Variants in SMYD3 observed in about 807,000 individuals in gnomAD.
The protein encoded by SMYD3 is SET and MYND domain containing 3, also known as histone-lysine N-methyltransferase SMYD3.
In SMYD3, 36 loss-of-function variants were observed where a neutral mutation model predicts 57.7. That is an observed-to-expected ratio of 0.62 (90% CI 0.48 to 0.82). SMYD3 has a LOEUF of 0.82. Among genes scored for constraint, SMYD3 ranks in the 40% least tolerant of loss-of-function variants. The pLI is 0.00. For synonymous variants in SMYD3, 211 were observed against 195.0 expected, an observed-to-expected ratio of 1.08 and a Z score of -0.68; for missense variants, 515 against 538.8, an observed-to-expected ratio of 0.96 and a Z score of 0.44.
chr1:246,156,610 A>G (rs1230173841), intron 5 of SMYD3, among the ~76,000 whole-genome samples: 1 of 152,240 alleles, frequency 6.6e-6, no homozygotes, highest in Non-Finnish European at 1.5e-5. Context: ...TATAAAACCA[A>G]ATAGGACTCA....
chr1:246,172,354 T>A (rs1386188116), intron 5 of SMYD3, among the ~76,000 whole-genome samples: 1 of 151,040 alleles, frequency 6.6e-6, no homozygotes, highest in Admixed American at 6.6e-5. Context: ...CTGTAGACTT[T>A]ATCAACACTG....
chr1:245,785,664 C>A (rs546546081), intron 10 of SMYD3, among the ~76,000 whole-genome samples: 2 of 141,122 alleles, frequency 1.4e-5, no homozygotes, highest in African/African-American at 5.3e-5. Context: ...AGAGAGAGTG[C>A]GTGAGAGAGT....
At chr1:245,789,609 A>G (rs1256414096) in intron 10 of SMYD3, among the ~76,000 whole-genome samples, 1 of 152,192 alleles carries the variant, frequency 6.6e-6, no homozygotes, top group African/African-American at 2.4e-5. Context: ...TATTCTGGAA[A>G]TTTCCTTGAA....
At chr1:246,195,071 G>A (rs984403232) in intron 5 of SMYD3, among the ~76,000 whole-genome samples, 2 of 152,074 alleles carry the variant, frequency 1.3e-5, no homozygotes, top group African/African-American at 4.8e-5. Context: ...TGAATGTCTG[G>A]CAAAGGTTTG....
At chr1:246,215,349 G>A (rs1179378958) in intron 5 of SMYD3, among the ~76,000 whole-genome samples, 3 of 151,992 alleles carry the variant, frequency 2.0e-5, no homozygotes, top group South Asian at 4.1e-4. Context: ...ACACACACAC[G>A]CTGGGGCTTC....
chr1:245,934,802 T>C (rs2056909239), intron 5 of SMYD3, among the ~76,000 whole-genome samples: 2 of 152,164 alleles, frequency 1.3e-5, no homozygotes, highest in African/African-American at 4.8e-5. Flanking sequence ...ACCAACTACA[T>C]TTCCCTTTGC....
intron 8 of SMYD3, among the ~76,000 whole-genome samples, chr1:245,891,686 C>T (rs1367761053): frequency 1.3e-5 from 2 of 152,190 alleles, no homozygotes; most frequent in Non-Finnish European, 2.9e-5. Context: ...GGTCAGCTTA[C>T]TTCTGGAAGG....
chr1:246,221,893 G>A (rs1402907420), intron 5 of SMYD3, among the ~76,000 whole-genome samples: 3 of 152,156 alleles, frequency 2.0e-5, no homozygotes, highest in African/African-American at 7.2e-5. Context: ...GGCACCACCA[G>A]TCACATGTTT....
At chr1:246,288,205 C>T (rs1043645041) in intron 5 of SMYD3, among the ~76,000 whole-genome samples, 18 of 150,812 alleles carry the variant, frequency 1.2e-4, no homozygotes, top group Middle Eastern at 3.5e-3. Context: ...TCCTAAGTAG[C>T]TGGAATTACA....
intron 11 of SMYD3, among the ~76,000 whole-genome samples, chr1:245,760,017 C>T (rs2045776947): frequency 6.6e-6 from 1 of 152,172 alleles, no homozygotes; most frequent in African/African-American, 2.4e-5. Context: ...AGATTAGTGA[C>T]AGGAGAGGGC....
intron 5 of SMYD3, among the ~76,000 whole-genome samples, chr1:246,168,141 A>G (rs894378039): frequency 6.6e-6 from 1 of 152,250 alleles, no homozygotes; most frequent in African/African-American, 2.4e-5. Flanking sequence ...TCTTAAGAGT[A>G]AACCTCGTGG....
chr1:245,782,155 G>T (rs975469582), intron 10 of SMYD3, among the ~76,000 whole-genome samples: 8 of 152,096 alleles, frequency 5.3e-5, no homozygotes, highest in African/African-American at 1.9e-4. Context: ...TTGTGGAAGG[G>T]TATATGCATT....
intron 5 of SMYD3, among the ~76,000 whole-genome samples, chr1:246,300,655 A>C (rs2064878269): frequency 6.6e-6 from 1 of 152,114 alleles, no homozygotes; most frequent in African/African-American, 2.4e-5. Flanking sequence ...CTGACTAGCT[A>C]TGTGGCTCTG....
chr1:246,140,337 T>C (rs527239574), intron 5 of SMYD3, among the ~76,000 whole-genome samples: 1 of 152,346 alleles, frequency 6.6e-6, no homozygotes, highest in African/African-American at 2.4e-5. Flanking sequence ...TTAGTGGTAT[T>C]CATCTTGTAC....
chr1:246,359,957 C>G (rs1558422849), intron 1 of SMYD3, among the ~76,000 whole-genome samples: 1 of 152,080 alleles, frequency 6.6e-6, no homozygotes, highest in Non-Finnish European at 1.5e-5. Flanking sequence ...GAAGTCCTAG[C>G]CAGAGCAATC....
At chr1:245,818,839 G>A (rs1318086482) in intron 10 of SMYD3, among the ~76,000 whole-genome samples, 1 of 150,788 alleles carries the variant, frequency 6.6e-6, no homozygotes, top group Admixed American at 6.6e-5. Flanking sequence ...AACAAGAAGA[G>A]CTAACTATCC....
intron 10 of SMYD3, among the ~76,000 whole-genome samples, chr1:245,831,916 T>C (rs2049856143): frequency 6.6e-6 from 1 of 152,204 alleles, no homozygotes; most frequent in Non-Finnish European, 1.5e-5. Context: ...TTGCCGGACA[T>C]TGCCTAAATC....
At chr1:246,134,357 A>G (rs906276928) in intron 5 of SMYD3, among the ~76,000 whole-genome samples, 3 of 152,102 alleles carry the variant, frequency 2.0e-5, no homozygotes, top group Non-Finnish European at 2.9e-5. Flanking sequence ...TGTTTATTAA[A>G]TGCCTTATAA....
At chr1:245,906,422 G>A (rs1038787615) in intron 8 of SMYD3, among the ~76,000 whole-genome samples, 2 of 152,258 alleles carry the variant, frequency 1.3e-5, no homozygotes, top group African/African-American at 4.8e-5. Flanking sequence ...TCAGAGAAAT[G>A]CAAATCAAAA....
Sources: allele counts gnomAD v4.1 joint callset (sites outside exome capture counted in the v4.1 genomes callset), GRCh38; gene constraint gnomAD v4.1.1; transcripts MANE v1.5; gene names NCBI Gene and HGNC (gene_info 2026-07-23, HGNC 2026-07-21).